Variants in TENM4 observed in about 807,000 individuals in gnomAD.
TENM4 encodes teneurin transmembrane protein 4, also known as teneurin-4.
A neutral mutation model predicts 243.3 loss-of-function variants in TENM4; 82 were observed. That is an observed-to-expected ratio of 0.34 (90% CI 0.28 to 0.40). The LOEUF (loss-of-function observed/expected upper bound fraction) is 0.40, where lower values mean the gene tolerates loss of function less well. TENM4 is among the 10% of genes least tolerant of loss of function. TENM4 has a pLI of 1.00. For synonymous variants in TENM4, 1,412 were observed against 1,456.3 expected, an observed-to-expected ratio of 0.97 and a Z score of 0.69; for missense variants, 3,138 against 3,673.3, an observed-to-expected ratio of 0.85 and a Z score of 3.77.
intron 6 of TENM4, among the ~76,000 whole-genome samples, chr11:78,969,609 C>T (rs1469091463): frequency 6.6e-6 from 1 of 152,156 alleles, no homozygotes; most frequent in Admixed American, 6.5e-5. Context: ...CATCTAAATG[C>T]CCAAATGGAA....
At position 79,131,095 on chromosome 11, in the gene TENM4, G is replaced by A. The variant is rs141964107; in HGVS notation, c.-66+17615C>T. 4.9e-3 allele frequency among the ~76,000 whole-genome samples: 748 copies of A among 152,164 alleles called. 2 individuals are homozygous for A. The highest frequency in any genetic ancestry group is 0.017 in the African/African-American group (723 of 41,534). ...AGAAAGAAAAGAAAACTAAAAGCTT[G>A]GAAAACATATTTGGGGGAATAATTG... On this transcript the variant is annotated intron_variant, in intron 4 of 33. Transcript: ENST00000278550.
chr11:78,912,964 C>T (rs1323980188), intron 6 of TENM4, among the ~76,000 whole-genome samples: 1 of 152,210 alleles, frequency 6.6e-6, no homozygotes, highest in Non-Finnish European at 1.5e-5. Flanking sequence ...TGACCTTGGG[C>T]AAAACACTTA....
At chr11:78,742,956 T>C (rs1462971320) in intron 19 of TENM4, among the ~76,000 whole-genome samples, 2 of 152,224 alleles carry the variant, frequency 1.3e-5, no homozygotes, top group African/African-American at 4.8e-5. Context: ...TGGAGTCATC[T>C]GACCTCTCTG....
At chr11:79,274,611 C>T (rs1856022285) in intron 2 of TENM4, among the ~76,000 whole-genome samples, 1 of 152,148 alleles carries the variant, frequency 6.6e-6, no homozygotes, top group East Asian at 1.9e-4. Context: ...CTCTCCTATC[C>T]CCTGGTGAAA....
intron 6 of TENM4, among the ~76,000 whole-genome samples, chr11:78,926,505 C>A (rs939713031): frequency 6.6e-6 from 1 of 152,020 alleles, no homozygotes; most frequent in Non-Finnish European, 1.5e-5. Context: ...AACTCCTGAC[C>A]TCATGATCCG....
Position 79,139,757 on chromosome 11 carries a change from T to G in TENM4, c.-66+8953A>C, listed in dbSNP as rs1020066010. Among the ~76,000 whole-genome samples the G allele has an allele frequency of 9.8e-5, 2 of 20,348 alleles. 1 individual carries two copies. The highest frequency in any genetic ancestry group is 2.2e-4 in the Non-Finnish European group (2 of 8,900). The allele number at this position is 20,348 out of a possible 152,430, so 13.3% of individuals were successfully genotyped here. ...TATTTATATAAATATATAATATATA[T>G]TATATTTATATAAATATATAATATA... On this transcript the variant is annotated intron_variant, in intron 4 of 33. Transcript: ENST00000278550.
At chr11:78,811,579 C>T (rs591465) in intron 14 of TENM4, among the ~76,000 whole-genome samples, 8,668 of 48,860 alleles carry the variant, frequency 0.18, 558 homozygotes, top group African/African-American at 0.34. Context: ...AACACACACA[C>T]ACACACACAC....
chr11:79,421,563 A>G (rs1295087715), intron 1 of TENM4, among the ~76,000 whole-genome samples: 3 of 152,200 alleles, frequency 2.0e-5, no homozygotes, highest in Non-Finnish European at 2.9e-5. Context: ...AGTTCATATT[A>G]TAATTCTAAC....
chr11:78,973,122 A>G (rs886668846), intron 6 of TENM4, among the ~76,000 whole-genome samples: 2 of 152,208 alleles, frequency 1.3e-5, no homozygotes, highest in African/African-American at 4.8e-5. Flanking sequence ...CTTTTTGGCT[A>G]TTATCCATAA....
chr11:78,714,369 G>A (rs1859473052), intron 25 of TENM4, among the ~76,000 whole-genome samples: 2 of 152,028 alleles, frequency 1.3e-5, no homozygotes, highest in East Asian at 3.9e-4. Flanking sequence ...AGTGTCCTTG[G>A]GGACTGGCTA....
At chr11:79,278,763 C>A (rs866698508) in intron 2 of TENM4, among the ~76,000 whole-genome samples, 1 of 152,170 alleles carries the variant, frequency 6.6e-6, no homozygotes, top group African/African-American at 2.4e-5. Context: ...TCAGAGCTTG[C>A]GGCTCCCAAG....
intron 15 of TENM4, 23 bp from the exon 16 acceptor site, chr11:78,787,106 G>A: frequency 6.5e-7 from 1 of 1,527,772 alleles, no homozygotes; most frequent in Non-Finnish European, 8.8e-7. Context: ...GCAGAAGAAG[G>A]GAGGACACCA....
chr11:79,212,788 C>T (rs552906791), intron 3 of TENM4, among the ~76,000 whole-genome samples: 1 of 152,294 alleles, frequency 6.6e-6, no homozygotes, highest in South Asian at 2.1e-4. Flanking sequence ...AGTTTTCTCT[C>T]TGAATTTCAT....
intron 1 of TENM4, among the ~76,000 whole-genome samples, chr11:79,319,167 G>A (rs76814085): frequency 0.014 from 2,090 of 152,294 alleles, 39 homozygotes; most frequent in South Asian, 0.082. Flanking sequence ...TAGAGTCATA[G>A]AACAGTAAGT....
At chr11:79,150,978 C>T (rs1183715285) in intron 3 of TENM4, among the ~76,000 whole-genome samples, 1 of 152,006 alleles carries the variant, frequency 6.6e-6, no homozygotes, top group Non-Finnish European at 1.5e-5. Flanking sequence ...GAAAAGTGAC[C>T]TAATTTGCCC....
chr11:78,849,908 T>C (rs2136193679), intron 12 of TENM4, among the ~76,000 whole-genome samples: 1 of 152,320 alleles, frequency 6.6e-6, no homozygotes, highest in South Asian at 2.1e-4. Context: ...CCTCCTTTAT[T>C]CAACATTCTG....
chr11:79,291,410 G>A (rs1335278745), intron 2 of TENM4, among the ~76,000 whole-genome samples: 1 of 152,182 alleles, frequency 6.6e-6, no homozygotes, highest in Non-Finnish European at 1.5e-5. Flanking sequence ...CACTGCCAAT[G>A]AGAATGGAGA....
chr11:78,777,138 A>G (rs1856754627), intron 17 of TENM4, among the ~76,000 whole-genome samples: 1 of 152,166 alleles, frequency 6.6e-6, no homozygotes, highest in Non-Finnish European at 1.5e-5. Flanking sequence ...AGATGGTAAC[A>G]TGATAAAATT....
At chr11:79,296,095 G>A (rs1216311391) in intron 2 of TENM4, among the ~76,000 whole-genome samples, 1 of 152,094 alleles carries the variant, frequency 6.6e-6, no homozygotes, top group African/African-American at 2.4e-5. Flanking sequence ...GAGGTCATTC[G>A]TGCACCTTTT....
Sources: allele counts gnomAD v4.1 joint callset (sites outside exome capture counted in the v4.1 genomes callset), GRCh38; gene constraint gnomAD v4.1.1; transcripts MANE v1.5; gene names NCBI Gene and HGNC (gene_info 2026-07-23, HGNC 2026-07-21).